Variants in MSI2 observed in about 807,000 individuals in gnomAD.
The protein encoded by MSI2 is musashi RNA binding protein 2, also known as RNA-binding protein Musashi homolog 2.
A neutral mutation model predicts 45.6 loss-of-function variants in MSI2; 17 were observed. The ratio of observed to expected loss-of-function variants is 0.37; its 90% CI spans 0.26 to 0.56. The LOEUF (loss-of-function observed/expected upper bound fraction) is 0.56, where lower values mean the gene tolerates loss of function less well. Ranked by LOEUF, MSI2 falls within the 20% of genes least tolerant of loss-of-function variation. The pLI, the probability that MSI2 is intolerant of heterozygous loss-of-function variation, is 0.77. For synonymous variants in MSI2, 156 were observed against 158.2 expected, an observed-to-expected ratio of 0.99 and a Z score of 0.11; for missense variants, 293 against 444.2, an observed-to-expected ratio of 0.66 and a Z score of 3.06.
chr17:57,346,882 C>T (rs757757003), intron 5 of MSI2, among the ~76,000 whole-genome samples: 2 of 152,200 alleles, frequency 1.3e-5, no homozygotes, highest in Non-Finnish European at 2.9e-5. Context: ...GCTGGGATTA[C>T]AAGTGTGAGC....
intron 6 of MSI2, among the ~76,000 whole-genome samples, chr17:57,520,821 AT>A (rs10602873): frequency 0.12 from 18,379 of 150,108 alleles, 1,345 homozygotes; most frequent in African/African-American, 0.19. Context: ...ACCCAACTAA[AT>A]TTTTTTTTTT....
intron 5 of MSI2, among the ~76,000 whole-genome samples, chr17:57,362,772 G>A (rs1916904431): frequency 6.6e-6 from 1 of 151,990 alleles, no homozygotes; most frequent in African/African-American, 2.4e-5. Context: ...TAAAGTGCTT[G>A]TCTTTGTATA....
At chr17:57,376,830 A>G (rs1007102178) in intron 5 of MSI2, among the ~76,000 whole-genome samples, 1 of 152,040 alleles carries the variant, frequency 6.6e-6, no homozygotes, top group Non-Finnish European at 1.5e-5. Context: ...GCATGTCAAT[A>G]AGATCCCACC....
chr17:57,621,492 T>C (rs1166836269), intron 9 of MSI2, among the ~76,000 whole-genome samples: 2 of 152,240 alleles, frequency 1.3e-5, no homozygotes, highest in Non-Finnish European at 2.9e-5. Context: ...GGCACTGTTC[T>C]AGATGCTGAA....
At chr17:57,488,920 A>G (rs1290850506) in intron 6 of MSI2, among the ~76,000 whole-genome samples, 2 of 152,114 alleles carry the variant, frequency 1.3e-5, no homozygotes, top group Non-Finnish European at 2.9e-5. Context: ...ATGTGCTGGC[A>G]GAGAGCTCCA....
chr17:57,622,654 A>G (rs879515969), intron 9 of MSI2, among the ~76,000 whole-genome samples: 1 of 125,402 alleles, frequency 8.0e-6, no homozygotes. Context: ...AAATGTGAGC[A>G]AAAAAAAAAA....
chr17:57,297,088 T>C (rs1024897625), intron 5 of MSI2, among the ~76,000 whole-genome samples: 6 of 152,064 alleles, frequency 3.9e-5, no homozygotes, highest in South Asian at 2.1e-4. Context: ...TTGGCCAGGC[T>C]GGTCTTGAAC....
downstream of MSI2, among the ~76,000 whole-genome samples, chr17:57,687,694 GA>G (rs2144780459): frequency 6.6e-6 from 1 of 152,144 alleles, no homozygotes; most frequent in African/African-American, 2.4e-5. Context: ...AGATGATAGA[GA>G]AATATGGAAA....
intron 7 of MSI2, among the ~76,000 whole-genome samples, chr17:57,587,544 C>T (rs919698034): frequency 1.4e-5 from 2 of 138,906 alleles, no homozygotes; most frequent in Non-Finnish European, 3.1e-5. Context: ...GATCACTCCC[C>T]GCCCCCCACC....
chr17:57,402,159 G>A (rs944182849), intron 6 of MSI2, among the ~76,000 whole-genome samples: 5 of 152,118 alleles, frequency 3.3e-5, no homozygotes, highest in African/African-American at 7.2e-5. Flanking sequence ...TGTTTAATTC[G>A]GCCTCTTTCT....
intron 6 of MSI2, among the ~76,000 whole-genome samples, chr17:57,491,532 A>G (rs1254751456): frequency 6.6e-6 from 1 of 152,208 alleles, no homozygotes; most frequent in African/African-American, 2.4e-5. Flanking sequence ...GACATGTTAC[A>G]TCTCCTGATG....
At chr17:57,548,365 G>A (rs1236757622) in intron 7 of MSI2, among the ~76,000 whole-genome samples, 5 of 152,114 alleles carry the variant, frequency 3.3e-5, no homozygotes, top group Non-Finnish European at 7.3e-5. Context: ...TTATTGGGGT[G>A]GGAGTGGGGG....
chr17:57,604,879 C>A (rs1333909869), intron 8 of MSI2, among the ~76,000 whole-genome samples: 3 of 151,542 alleles, frequency 2.0e-5, no homozygotes, highest in Non-Finnish European at 4.4e-5. Flanking sequence ...GGCTCACCCC[C>A]CCACTCCTTC....
At chr17:57,363,940 A>G (rs1451700287) in intron 5 of MSI2, among the ~76,000 whole-genome samples, 1 of 152,136 alleles carries the variant, frequency 6.6e-6, no homozygotes, top group East Asian at 1.9e-4. Context: ...GTCTGTCAAT[A>G]TTAGCCAGCT....
intron 6 of MSI2, among the ~76,000 whole-genome samples, chr17:57,526,356 G>GTGT (rs2086695720): frequency 8.2e-6 from 1 of 122,562 alleles, no homozygotes; most frequent in Non-Finnish European, 1.7e-5. Flanking sequence ...GATATACCTG[G>GTGT]GTGTGTGTGT....
intron 11 of MSI2, among the ~76,000 whole-genome samples, chr17:57,670,083 A>G (rs928428759): frequency 1.3e-5 from 2 of 152,218 alleles, no homozygotes; most frequent in African/African-American, 4.8e-5. Context: ...TCTGGAAAAG[A>G]TTTTGTAAAC....
intron 5 of MSI2, among the ~76,000 whole-genome samples, chr17:57,293,885 G>A (rs1472550276): frequency 1.3e-5 from 2 of 150,430 alleles, no homozygotes; most frequent in Non-Finnish European, 2.9e-5. Flanking sequence ...TGGAATTACA[G>A]GCATGAGCCA....
chr17:57,505,571 G>A (rs8082249), intron 6 of MSI2, among the ~76,000 whole-genome samples: 83,016 of 152,004 alleles, frequency 0.55, 22,905 homozygotes, highest in African/African-American at 0.62. Context: ...CTTGCTTTTA[G>A]AAAGAATGCC....
chr17:57,581,635 T>C (rs540975240), intron 7 of MSI2, among the ~76,000 whole-genome samples: 4 of 152,248 alleles, frequency 2.6e-5, no homozygotes, highest in Non-Finnish European at 5.9e-5. Flanking sequence ...TCTTAGAACA[T>C]GTAGAGGGGC....
Sources: gnomAD v4.1 joint callset for allele counts (sites outside exome capture counted in the v4.1 genomes callset) on GRCh38, gnomAD v4.1.1 for gene constraint, MANE v1.5 for transcripts, NCBI Gene and HGNC (gene_info 2026-07-23, HGNC 2026-07-21) for gene names.